RRP15: variants seen among roughly 807,000 people sequenced by gnomAD.
RRP15 encodes ribosomal RNA processing 15 homolog.
RRP15 carries 18 observed loss-of-function variants against 27.1 expected under a neutral mutation model. That is an observed-to-expected ratio of 0.66 (90% confidence interval 0.46 to 0.98). The LOEUF (loss-of-function observed/expected upper bound fraction) is 0.98, where lower values mean the gene tolerates loss of function less well. RRP15 is among the 50% of genes least tolerant of loss of function. RRP15 has a pLI of 0.00. For synonymous variants in RRP15, 107 were observed against 109.4 expected (o/e 0.98, Z 0.14); for missense variants, 359 against 337.8 (o/e 1.06, Z -0.49).
At position 218,336,598 on chromosome 1, in the gene RRP15, T is replaced by G. The variant is rs1322413514; in HGVS notation, c.*5507T>G. The G allele has an allele frequency of 6.6e-6, 1 of 152,534 alleles. No individual in the cohort carries two copies. The highest frequency in any genetic ancestry group is 6.5e-5 in the Admixed American group (1 of 15,278). 9.4% of individuals were successfully genotyped at this position (152,534 alleles called of 1,614,324 possible). ...CTTAGGTAAAAATGTATCCCTCCCA[T>G]GGACAGGACATAAACAATAGATTGA... On this transcript the variant is annotated 3_prime_UTR_variant, in exon 5 of 5. Transcript: ENST00000366932.
At chr1:218,305,538 G>A (rs941914690) in intron 3 of RRP15, among the ~76,000 whole-genome samples, 2 of 152,062 alleles carry the variant, frequency 1.3e-5, no homozygotes, top group African/African-American at 2.4e-5. Flanking sequence ...GGCACCAAAC[G>A]TTTACTTGAT....
At chr1:218,318,608 T>G (rs773291103) in intron 4 of RRP15, among the ~76,000 whole-genome samples, 12 of 152,230 alleles carry the variant, frequency 7.9e-5, no homozygotes, top group Non-Finnish European at 1.3e-4. Flanking sequence ...GGTTAAACTT[T>G]TTTTGCCATA....
At chr1:218,289,625 A>G (rs546807739) in intron 1 of RRP15, among the ~76,000 whole-genome samples, 5 of 152,222 alleles carry the variant, frequency 3.3e-5, no homozygotes, top group South Asian at 2.1e-4. Flanking sequence ...TTCCATATCT[A>G]TTTGGTTTAA....
intron 1 of RRP15, among the ~76,000 whole-genome samples, chr1:218,298,501 T>C (rs992657113): frequency 3.9e-5 from 6 of 152,200 alleles, no homozygotes; most frequent in African/African-American, 1.4e-4. Flanking sequence ...CTGTGAGCCT[T>C]CTTAAAACTT....
In RRP15 at chr1:218,336,759, A is replaced by G. The variant is rs951478663; in HGVS notation, c.*5668A>G. Reference sequence around the variant, plus strand: ...ACAGCAACACTGGGTTCTCTTAAGTATATTATAAATATAAAAGCTCAAAGT... The same window carrying G: ...ACAGCAACACTGGGTTCTCTTAAGTGTATTATAAATATAAAAGCTCAAAGT... On this transcript the variant is annotated 3_prime_UTR_variant, in exon 5 of 5. Transcript: ENST00000366932. 2.6e-5 allele frequency: 4 copies of G among 152,244 alleles called. No individual in the cohort carries two copies. Among genetic ancestry groups the G allele is most frequent in the Non-Finnish European group, 5.9e-5 (4 of 68,052 alleles). 9.4% of individuals were successfully genotyped at this position (152,244 alleles called of 1,614,324 possible). A position where few individuals can be genotyped will look rare whatever the true frequency, so the allele number is the denominator to read the frequency against.
intron 4 of RRP15, among the ~76,000 whole-genome samples, chr1:218,315,714 C>T (rs938999079): frequency 5.9e-5 from 9 of 151,934 alleles, no homozygotes; most frequent in Non-Finnish European, 1.0e-4. Context: ...CCTGGGCCTC[C>T]CAAAGTGCTG....
At chr1:218,324,126 T>C (rs1656233055) in intron 4 of RRP15, among the ~76,000 whole-genome samples, 1 of 152,182 alleles carries the variant, frequency 6.6e-6, no homozygotes, top group African/African-American at 2.4e-5. Flanking sequence ...CCTCCGTGCC[T>C]GACTGTGCTG....
intron 4 of RRP15, among the ~76,000 whole-genome samples, chr1:218,330,475 A>G (rs1407440796): frequency 6.6e-6 from 1 of 152,202 alleles, no homozygotes; most frequent in Non-Finnish European, 1.5e-5. Flanking sequence ...AAAACCTAGC[A>G]TAGTACCAAT....
At chr1:218,321,669 T>G (rs1004990153) in intron 4 of RRP15, among the ~76,000 whole-genome samples, 2 of 152,164 alleles carry the variant, frequency 1.3e-5, no homozygotes, top group Admixed American at 6.5e-5. Context: ...CTCTTTTTAT[T>G]CCTTTTATAA....
At chr1:218,305,174 A>AT (rs765887632) in intron 3 of RRP15, 49 bp downstream of exon 3, 1 of 1,396,338 alleles carries the variant, frequency 7.2e-7, no homozygotes, top group Non-Finnish European at 1.0e-6. Context: ...TAAAGCTATC[A>AT]TAGTGGTTCT....
chr1:218,290,815 G>C (rs542457231), intron 1 of RRP15, among the ~76,000 whole-genome samples: 5 of 152,282 alleles, frequency 3.3e-5, no homozygotes, highest in South Asian at 4.1e-4. Flanking sequence ...CACTTGAAAT[G>C]GTTTTCAGAA....
At chr1:218,325,135 C>A (rs1032249366) in intron 4 of RRP15, among the ~76,000 whole-genome samples, 3 of 152,168 alleles carry the variant, frequency 2.0e-5, no homozygotes, top group East Asian at 1.9e-4. Context: ...TATTCTCCAG[C>A]GGTTTTGTCA....
chr1:218,299,152 T>C (rs1655769587), intron 1 of RRP15, among the ~76,000 whole-genome samples: 1 of 152,218 alleles, frequency 6.6e-6, no homozygotes, highest in Non-Finnish European at 1.5e-5. Context: ...AATCCTATTT[T>C]TTTAGTATGC....
At chr1:218,327,848 C>T (rs1656298041) in intron 4 of RRP15, among the ~76,000 whole-genome samples, 1 of 152,076 alleles carries the variant, frequency 6.6e-6, no homozygotes, top group African/African-American at 2.4e-5. Flanking sequence ...AAAATCTTTC[C>T]CTCTCAGCCA....
chr1:218,287,082 G>GC (rs1655559684), intron 1 of RRP15, among the ~76,000 whole-genome samples: 1 of 149,006 alleles, frequency 6.7e-6, no homozygotes, highest in Non-Finnish European at 1.5e-5. Context: ...TCTTGCTTCA[G>GC]CTTCCCCAGG....
At chr1:218,298,965 A>G (rs972306208) in intron 1 of RRP15, among the ~76,000 whole-genome samples, 1 of 152,174 alleles carries the variant, frequency 6.6e-6, no homozygotes, top group Admixed American at 6.5e-5. Flanking sequence ...GGCATTTTTT[A>G]CTTGTCTGGT....
Position 218,311,261 on chromosome 1 carries a change from A to G in RRP15, c.705+3629A>G, listed in dbSNP as rs187823977. ...CACTATTTCTTTATCAGTACTAGAT[A>G]CTATCTTTCATGGAAGATAAAGTTG... is the stretch of plus-strand genomic sequence containing the variant. On this transcript the variant is annotated intron_variant, in intron 4 of 4. Coordinates refer to ENST00000366932, the MANE Select transcript of RRP15 (RefSeq NM_016052.4). Among the ~76,000 whole-genome samples, 4 of 152,300 alleles carry G rather than the reference A, an allele frequency of 2.6e-5. No individual in the cohort carries two copies. In the East Asian group the frequency reaches 7.7e-4, roughly 29 times the overall value.
chr1:218,324,834 T>G (rs1481127385), intron 4 of RRP15, among the ~76,000 whole-genome samples: 3 of 152,230 alleles, frequency 2.0e-5, no homozygotes, highest in Admixed American at 2.0e-4. Flanking sequence ...TTCCTGAAGT[T>G]AATCATTGTC....
In RRP15 at chr1:218,336,288, A is replaced by G. The variant is rs1358817939; in HGVS notation, c.*5197A>G. Reference sequence around the variant, plus strand: ...CACACACAAAACCCTGAAGAGCACAATGAGCATTATTAGCACAGCCAATTT... The same window carrying G: ...CACACACAAAACCCTGAAGAGCACAGTGAGCATTATTAGCACAGCCAATTT... On this transcript the variant is annotated 3_prime_UTR_variant, in exon 5 of 5. Transcript: ENST00000366932. 6.6e-6 allele frequency: 1 copy of G among 152,610 alleles called. No individual in the cohort carries two copies. The highest frequency in any genetic ancestry group is 1.9e-4 in the East Asian group (1 of 5,194). 9.5% of individuals were successfully genotyped at this position (152,610 alleles called of 1,614,324 possible).
Sources: gnomAD v4.1 joint callset for allele counts (sites outside exome capture counted in the v4.1 genomes callset) on GRCh38, gnomAD v4.1.1 for gene constraint, MANE v1.5 for transcripts, NCBI Gene and HGNC (gene_info 2026-07-23, HGNC 2026-07-21) for gene names.